Variants in EVI5 observed in about 807,000 individuals in gnomAD.
The protein encoded by EVI5 is ecotropic viral integration site 5 protein homolog.
In EVI5, 73 loss-of-function variants were observed where a neutral mutation model predicts 112.0. That is an observed-to-expected ratio of 0.65 (90% confidence interval 0.54 to 0.79). The LOEUF (loss-of-function observed/expected upper bound fraction) is 0.79. Among genes scored for constraint, EVI5 ranks in the 30% least tolerant of loss-of-function variants. The pLI, the probability that EVI5 is intolerant of heterozygous loss-of-function variation, is 0.00. For synonymous variants in EVI5, 305 were observed against 319.9 expected, an observed-to-expected ratio of 0.95 and a Z score of 0.50; for missense variants, 900 against 968.8, an observed-to-expected ratio of 0.93 and a Z score of 0.94.
chr1:92,654,989 T>G (rs1293709785), intron 13 of EVI5, among the ~76,000 whole-genome samples: 1 of 152,088 alleles, frequency 6.6e-6, no homozygotes, highest in Non-Finnish European at 1.5e-5. Flanking sequence ...ATATAAAATG[T>G]CTAAACCTAC....
chr1:92,679,036 C>A (rs1243772322), intron 9 of EVI5, among the ~76,000 whole-genome samples: 1 of 152,186 alleles, frequency 6.6e-6, no homozygotes, highest in Non-Finnish European at 1.5e-5. Flanking sequence ...CTGGGTCATA[C>A]AGCAGGAGGT....
intron 19 of EVI5, among the ~76,000 whole-genome samples, chr1:92,525,137 T>A (rs1661633104): frequency 6.6e-6 from 1 of 151,994 alleles, no homozygotes; most frequent in African/African-American, 2.4e-5. Context: ...CCAGATTAAG[T>A]ATTTTTTAAT....
intron 19 of EVI5, among the ~76,000 whole-genome samples, chr1:92,537,140 A>T (rs1664041852): frequency 6.6e-6 from 1 of 152,144 alleles, no homozygotes; most frequent in Non-Finnish European, 1.5e-5. Context: ...AAAGTCATCC[A>T]CACACCAAAA....
At chr1:92,625,270 T>C (rs572989581) in intron 15 of EVI5, among the ~76,000 whole-genome samples, 35 of 152,278 alleles carry the variant, frequency 2.3e-4, no homozygotes, top group Non-Finnish European at 4.4e-4. Context: ...AAAAAAGGCA[T>C]GACAATGTCA....
intron 2 of EVI5, among the ~76,000 whole-genome samples, chr1:92,712,541 TATAATA>T (rs1673004442): frequency 6.6e-6 from 1 of 152,122 alleles, no homozygotes; most frequent in Non-Finnish European, 1.5e-5. Flanking sequence ...GAAAAGGTAA[TATAATA>T]AATTGTTTAA....
At chr1:92,565,350 C>T (rs1669277982) in intron 18 of EVI5, among the ~76,000 whole-genome samples, 2 of 152,186 alleles carry the variant, frequency 1.3e-5, no homozygotes, top group African/African-American at 4.8e-5. Flanking sequence ...GAAGATCATT[C>T]AATATCAGTA....
At chr1:92,659,935 C>T (rs1663681882) in intron 13 of EVI5, among the ~76,000 whole-genome samples, 1 of 151,840 alleles carries the variant, frequency 6.6e-6, no homozygotes, top group Non-Finnish European at 1.5e-5. Context: ...TGTTTTGGAG[C>T]AACATGGATA....
chr1:92,631,072 G>C (rs1656951797), intron 14 of EVI5, among the ~76,000 whole-genome samples: 1 of 152,074 alleles, frequency 6.6e-6, no homozygotes, highest in African/African-American at 2.4e-5. Flanking sequence ...ATGCTGTTTT[G>C]GTTACTGTAG....
chr1:92,608,143 T>A (rs1425157542), intron 16 of EVI5, among the ~76,000 whole-genome samples: 1 of 149,226 alleles, frequency 6.7e-6, no homozygotes, highest in African/African-American at 2.5e-5. Context: ...AGAGCGAGAC[T>A]CCGTCTCAAA....
intron 18 of EVI5, among the ~76,000 whole-genome samples, chr1:92,589,154 T>C (rs775141894): frequency 6.6e-6 from 1 of 152,146 alleles, no homozygotes; most frequent in African/African-American, 2.4e-5. Context: ...TATGGCCGAA[T>C]AGGAACACCT....
rs566148463 is a variant in EVI5, at chr1:92,547,714, A to G, written c.2166+15928T>C. ...CAAACTACCATCAGGGAATACTATC[A>G]ACACCTCTACACAAATAAACTAGAA... is the stretch of plus-strand genomic sequence containing the variant. On this transcript the variant is annotated intron_variant, in intron 19 of 19. Transcript: ENST00000684568. Among the ~76,000 whole-genome samples, 12 of 152,358 alleles carry G rather than the reference A, an allele frequency of 7.9e-5. No homozygotes were observed. The South Asian group carries it at 2.5e-3, about 32-fold the overall frequency.
intron 2 of EVI5, among the ~76,000 whole-genome samples, chr1:92,715,298 C>A (rs1048553647): frequency 2.0e-5 from 3 of 152,096 alleles, no homozygotes; most frequent in Admixed American, 2.0e-4. Context: ...CATAAGCCAC[C>A]GTGCCCTGAC....
chr1:92,668,282 G>A (rs1665272353), intron 10 of EVI5, among the ~76,000 whole-genome samples: 1 of 152,120 alleles, frequency 6.6e-6, no homozygotes, highest in Non-Finnish European at 1.5e-5. Flanking sequence ...ACTAATCTCA[G>A]ACAAAATAAC....
chr1:92,552,964 CAT>C (rs1285646713), intron 19 of EVI5, among the ~76,000 whole-genome samples: 3 of 151,840 alleles, frequency 2.0e-5, no homozygotes, highest in Non-Finnish European at 2.9e-5. Flanking sequence ...ATGAGAGGCA[CAT>C]GTTTTCATTA....
chr1:92,768,799 C>T (rs1001358745), intron 1 of EVI5, among the ~76,000 whole-genome samples: 6 of 152,100 alleles, frequency 3.9e-5, no homozygotes, highest in African/African-American at 1.2e-4. Flanking sequence ...TGCTTGAGCC[C>T]AGTAGATCAA....
At chr1:92,544,135 G>C (rs1184133832) in intron 19 of EVI5, among the ~76,000 whole-genome samples, 1 of 152,164 alleles carries the variant, frequency 6.6e-6, no homozygotes, top group Non-Finnish European at 1.5e-5. Flanking sequence ...AATGTGTAGA[G>C]ACAGAAAGTA....
intron 1 of EVI5, among the ~76,000 whole-genome samples, chr1:92,743,008 T>C (rs999407750): frequency 1.3e-5 from 2 of 152,226 alleles, no homozygotes; most frequent in African/African-American, 2.4e-5. Context: ...AATGGATTAA[T>C]GGATAAACAA....
At chr1:92,706,443 A>G (rs1671985337) in intron 2 of EVI5, among the ~76,000 whole-genome samples, 1 of 152,246 alleles carries the variant, frequency 6.6e-6, no homozygotes, top group Non-Finnish European at 1.5e-5. Flanking sequence ...GTTATTTGCC[A>G]TACTTATTTA....
chr1:92,648,196 A>C (rs1422740532), intron 13 of EVI5, among the ~76,000 whole-genome samples: 2 of 10,672 alleles, frequency 1.9e-4, no homozygotes, highest in Non-Finnish European at 2.9e-4. Flanking sequence ...AATACAAAAA[A>C]AAAAAAAAAA....
Sources: gnomAD v4.1 joint callset for allele counts (sites outside exome capture counted in the v4.1 genomes callset) on GRCh38, gnomAD v4.1.1 for gene constraint, MANE v1.5 for transcripts, NCBI Gene and HGNC (gene_info 2026-07-23, HGNC 2026-07-21) for gene names.